The following RAPH1 variants were observed in gnomAD, a reference collection of about 807,000 sequenced individuals.
RAPH1 encodes the protein Ras association (RalGDS/AF-6) and pleckstrin homology domains 1, also known as ras-associated and pleckstrin homology domains-containing protein 1.
In RAPH1, 18 loss-of-function variants were observed where a neutral mutation model predicts 88.1. The observed-to-expected ratio is 0.20, with a 90% CI of 0.14 to 0.30. RAPH1 has a LOEUF of 0.30. Among genes scored for constraint, RAPH1 ranks in the 10% least tolerant of loss-of-function variants. The probability of loss-of-function intolerance (pLI) is 1.00; values close to 1 mark genes in which losing one functional copy is unlikely to be tolerated. For synonymous variants in RAPH1, 587 were observed against 559.0 expected, an observed-to-expected ratio of 1.05 and a Z score of -0.71; for missense variants, 1,448 against 1,543.2, an observed-to-expected ratio of 0.94 and a Z score of 1.03.
In RAPH1 at chr2:203,535,299, T is replaced by G. The variant is rs9710953; in HGVS notation, c.-189A>C. 6.3e-5 allele frequency: 9 copies of G among 143,212 alleles called. No homozygotes were observed. The highest frequency in any genetic ancestry group is 1.5e-4 in the African/African-American group (6 of 39,568). The allele number at this position is 143,212 out of a possible 1,614,324, so 8.9% of individuals were successfully genotyped here. A position where few individuals can be genotyped will look rare whatever the true frequency, so the allele number is the denominator to read the frequency against. ...CTGACTGACTGACTGACTGACTGACTGGCGGGCGGCGGCGGGAGCGGGGGC... is the reference window on the plus strand; with the variant it reads ...CTGACTGACTGACTGACTGACTGACGGGCGGGCGGCGGCGGGAGCGGGGGC... On this transcript the variant is annotated 5_prime_UTR_variant, in exon 1 of 14. Transcript: ENST00000319170.
In RAPH1 at chr2:203,490,060, G is replaced by C. The variant is rs1688189714; in HGVS notation, c.256C>G (p.Leu86Val). ...EALNQGETVD[L>V]DALMADLCSI... ...CAAAGATCAGCCATCAAGGCATCCA[G>C]ATCCACAGTCTCTCCCTGATTCAGA... The change falls in exon 4 of 14, where the codon CTG becomes GTG. Residue 86 changes from leucine (L) to valine (V), a missense_variant. Leu to Val is a conservative substitution (Grantham distance 32). Around this residue, in one of 2 missense-constraint regions of RAPH1, gnomAD observed 513 missense variants for 653.1 expected, o/e 0.79. Coordinates refer to ENST00000319170, the MANE Select transcript of RAPH1 (RefSeq NM_213589.3). The C allele has an allele frequency of 6.2e-7, 1 of 1,612,662 alleles. No individual in the cohort carries two copies. Among genetic ancestry groups the C allele is most frequent in the African/African-American group, 1.3e-5 (1 of 74,890 alleles).
chr2:203,509,938 GCTTT>G (rs1689262431), intron 1 of RAPH1, among the ~76,000 whole-genome samples: 1 of 151,978 alleles, frequency 6.6e-6, no homozygotes, highest in African/African-American at 2.4e-5. Context: ...GATTGTATAA[GCTTT>G]CTGAGGTCTC....
Position 203,437,757 on chromosome 2 carries a change from C to A in RAPH1, c.*1680G>T. On this transcript the variant is annotated 3_prime_UTR_variant, in exon 14 of 14. Transcript: ENST00000319170. ...CTTTTGCTCATTCTAGAATTATTTA[C>A]CATCTCTTCCCCCACTTTACTGGCA... 1 of 185,240 alleles carries A rather than the reference C, an allele frequency of 5.4e-6. No homozygotes were observed. The highest frequency in any genetic ancestry group is 1.1e-5 in the Non-Finnish European group (1 of 89,694). The allele number at this position is 185,240 out of a possible 1,614,324, so 11.5% of individuals were successfully genotyped here. A position where few individuals can be genotyped will look rare whatever the true frequency, so the allele number is the denominator to read the frequency against.
Position 203,440,448 on chromosome 2 carries a change from C to G in RAPH1, c.2742G>C (p.Pro914=). The change falls in exon 14 of 14, where the codon CCG becomes CCC. Residue 914 remains proline, a synonymous_variant. Transcript: ENST00000319170. ...WQPSSIPVPS[P]DFPPPPPESS... The stretch of plus-strand genomic sequence containing the variant: ...TTTCAGGAGGGGGAGGAGGGAAGTC[C>G]GGAGAAGGGACTGGGATGGAGCTGG... 1 of 1,543,786 alleles carries G rather than the reference C, an allele frequency of 6.5e-7. No individual in the cohort carries two copies. Among genetic ancestry groups the G allele is most frequent in the Non-Finnish European group, 8.7e-7 (1 of 1,146,778 alleles).
At chr2:203,534,637 A>G (rs1690537176) in intron 1 of RAPH1, among the ~76,000 whole-genome samples, 1 of 152,040 alleles carries the variant, frequency 6.6e-6, no homozygotes, top group African/African-American at 2.4e-5. Context: ...AAGAAGACAC[A>G]GAAGGAGCCC....
Position 203,440,711 on chromosome 2 carries a change from A to T in RAPH1, c.2479T>A (p.Ser827Thr). Residue 827 changes from serine (S) to threonine (T), a missense_variant, in exon 14 of 14, where the codon TCT becomes ACT. By Grantham distance (58) the Ser-to-Thr change is moderately conservative. Around this residue, in one of 2 missense-constraint regions of RAPH1, gnomAD observed 935 missense variants for 890.1 expected, o/e 1.05. Coordinates refer to ENST00000319170, the MANE Select transcript of RAPH1 (RefSeq NM_213589.3). ...PAFPASYIPP[S>T]PPTPPVPVPP... is the part of the protein sequence containing the mutation. ...ACTGGAACAGGAGGGGTAGGGGGAG[A>T]GGGTGGAATGTAAGAAGCAGGGAAA... is the stretch of plus-strand genomic sequence containing the variant. 1.9e-6 allele frequency: 3 copies of T among 1,595,512 alleles called. No individual in the cohort carries two copies. The highest frequency in any genetic ancestry group is 2.6e-6 in the Non-Finnish European group (3 of 1,170,950).
At position 203,527,113 on chromosome 2, in the gene RAPH1, G is replaced by A. The variant is rs183883651; in HGVS notation, c.-1+7998C>T. Among the ~76,000 whole-genome samples, 15 of 152,256 alleles carry A rather than the reference G, an allele frequency of 9.9e-5. No homozygotes were observed. The East Asian group carries it at 2.9e-3, about 29-fold the overall frequency. ...AATACTTCAGTAAGACTGTATAGTA[G>A]TTTCCAAAATGGTTACCTCCATTTA... On this transcript the variant is annotated intron_variant, in intron 1 of 13. Coordinates refer to ENST00000319170, the MANE Select transcript of RAPH1 (RefSeq NM_213589.3).
intron 1 of RAPH1, among the ~76,000 whole-genome samples, chr2:203,524,111 T>A (rs1690013500): frequency 6.6e-6 from 1 of 152,210 alleles, no homozygotes; most frequent in Non-Finnish European, 1.5e-5. Context: ...AAACTAAATT[T>A]AAAAAATATA....
At chr2:203,458,514 C>G (rs1453008579) in intron 7 of RAPH1, among the ~76,000 whole-genome samples, 1 of 152,158 alleles carries the variant, frequency 6.6e-6, no homozygotes, top group Non-Finnish European at 1.5e-5. Context: ...AAAATGGGGT[C>G]ACATTTGCAT....
rs1688081617 is a variant in RAPH1 at position 203,488,526 on chromosome 2, G to A, written c.732+1058C>T. ...ATCACTTAACCCGGGAGGCAAGGTT[G>A]CAGTGAGCCAAGATCATGCCACTGC... On this transcript the variant is annotated intron_variant, in intron 4 of 13. Coordinates refer to ENST00000319170, the MANE Select transcript of RAPH1 (RefSeq NM_213589.3). Among the ~76,000 whole-genome samples, 5 of 137,880 alleles carry A rather than the reference G, an allele frequency of 3.6e-5. No homozygotes were observed. In the Admixed American group the frequency reaches 4.0e-4, roughly 11 times the overall value. The allele number at this position is 137,880 out of a possible 152,430, so 90.5% of individuals were successfully genotyped here.
rs1688669845 is a variant in RAPH1, at chr2:203,499,989, G to T, written c.1-4636C>A. ...GAACATGCTCAGATACAGGACAGCA[G>T]AGTGCTATCAGAGCCATTTCCATGG... On this transcript the variant is annotated intron_variant, in intron 1 of 13. Coordinates refer to ENST00000319170, the MANE Select transcript of RAPH1 (RefSeq NM_213589.3). 3.3e-5 allele frequency among the ~76,000 whole-genome samples: 5 copies of T among 152,304 alleles called. No homozygotes were observed. In the South Asian group the frequency reaches 1.0e-3, roughly 32 times the overall value.
intron 1 of RAPH1, among the ~76,000 whole-genome samples, chr2:203,515,555 TGAA>T (rs1689563498): frequency 6.6e-6 from 1 of 152,244 alleles, no homozygotes; most frequent in African/African-American, 2.4e-5. Flanking sequence ...CATTGCCAGT[TGAA>T]GAAAATGAAC....
At chr2:203,486,386 T>A (rs1410775244) in intron 4 of RAPH1, among the ~76,000 whole-genome samples, 1 of 152,148 alleles carries the variant, frequency 6.6e-6, no homozygotes, top group Non-Finnish European at 1.5e-5. Flanking sequence ...AATCAAAATA[T>A]ATTTGGAGAA....
intron 1 of RAPH1, among the ~76,000 whole-genome samples, chr2:203,518,871 T>G (rs181161579): frequency 6.6e-6 from 1 of 152,264 alleles, no homozygotes; most frequent in Admixed American, 6.5e-5. Flanking sequence ...AAGGATACTA[T>G]GAACAAACTC....
At chr2:203,525,811 C>A (rs1408115448) in intron 1 of RAPH1, among the ~76,000 whole-genome samples, 1 of 152,024 alleles carries the variant, frequency 6.6e-6, no homozygotes, top group Non-Finnish European at 1.5e-5. Context: ...ATGCTGAATG[C>A]AAGAAGCTGG....
intron 4 of RAPH1, among the ~76,000 whole-genome samples, chr2:203,488,588 T>TAA (rs750783858): frequency 0.033 from 1,192 of 36,612 alleles, 105 homozygotes; most frequent in African/African-American, 0.058. Context: ...CTCCGTCTAT[T>TAA]AAAAAAAAAA....
chr2:203,534,485 C>T (rs897219332), intron 1 of RAPH1, among the ~76,000 whole-genome samples: 1 of 135,796 alleles, frequency 7.4e-6, no homozygotes, highest in African/African-American at 2.8e-5. Flanking sequence ...CTAATACTAT[C>T]ACACTGCCCC....
At chr2:203,530,293 A>G (rs1690330787) in intron 1 of RAPH1, among the ~76,000 whole-genome samples, 1 of 152,246 alleles carries the variant, frequency 6.6e-6, no homozygotes, top group Non-Finnish European at 1.5e-5. Flanking sequence ...AGCTGGCAAA[A>G]GCATTGCTAT....
At chr2:203,521,527 T>A (rs186186615) in intron 1 of RAPH1, among the ~76,000 whole-genome samples, 2 of 152,182 alleles carry the variant, frequency 1.3e-5, no homozygotes, top group South Asian at 4.1e-4. Context: ...ACATTACACC[T>A]CTTTAAAGGA....
Sources: allele counts gnomAD v4.1 joint callset (sites outside exome capture counted in the v4.1 genomes callset), GRCh38; gene constraint gnomAD v4.1.1; regional missense constraint gnomAD v4.1.1; transcripts MANE v1.5; gene names NCBI Gene and HGNC (gene_info 2026-07-23, HGNC 2026-07-21).